Variants in PTPN13 observed in about 807,000 individuals in gnomAD.
PTPN13 encodes protein tyrosine phosphatase non-receptor type 13.
In PTPN13, 191 loss-of-function variants were observed where a neutral mutation model predicts 284.0. That is an observed-to-expected ratio of 0.67 (90% CI 0.60 to 0.76). The LOEUF (loss-of-function observed/expected upper bound fraction) is 0.76, where lower values mean the gene tolerates loss of function less well. Ranked by LOEUF, PTPN13 falls within the 30% of genes least tolerant of loss-of-function variation. PTPN13 has a pLI of 0.00. For missense variants in PTPN13, 2,797 were observed against 2,939.9 expected (o/e 0.95, Z 1.12); for synonymous variants, 986 against 1,022.3 (o/e 0.96, Z 0.68).
chr4:86,710,132 T>G (rs772863184), intron 7 of PTPN13, among the ~76,000 whole-genome samples: 12 of 152,176 alleles, frequency 7.9e-5, no homozygotes, highest in Non-Finnish European at 1.5e-4. Context: ...AATATATGAA[T>G]ACATAATATT....
intron 1 of PTPN13, among the ~76,000 whole-genome samples, chr4:86,596,135 C>T (rs1199504305): frequency 6.6e-6 from 1 of 152,018 alleles, no homozygotes; most frequent in African/African-American, 2.4e-5. Flanking sequence ...GTTCTAGAGG[C>T]TTTGTGGGAG....
intron 1 of PTPN13, among the ~76,000 whole-genome samples, chr4:86,622,451 CTGTGAATTTACTTCATTTGTTTCTAATGA>C (rs1165867168): frequency 2.0e-5 from 3 of 152,072 alleles, no homozygotes; most frequent in African/African-American, 4.8e-5. Context: ...TACCTATTTG[CTGTGAATTTACTTCATTTGTTTCTAATGA>C]TGGGACTCTA....
chr4:86,640,936 CAG>C (rs1218637794), intron 2 of PTPN13, among the ~76,000 whole-genome samples: 1 of 152,114 alleles, frequency 6.6e-6, no homozygotes, highest in Admixed American at 6.6e-5. Context: ...ATCAGTAATA[CAG>C]AGAGATTGAA....
chr4:86,661,029 C>G, intron 2 of PTPN13: 3 of 415,432 alleles, frequency 7.2e-6, no homozygotes, highest in Non-Finnish European at 1.4e-5. Flanking sequence ...ATATTGCAAA[C>G]AGCATTATTC....
At chr4:86,622,457 A>G (rs568008622) in intron 1 of PTPN13, among the ~76,000 whole-genome samples, 1 of 152,270 alleles carries the variant, frequency 6.6e-6, no homozygotes, top group Non-Finnish European at 1.5e-5. Context: ...TTTGCTGTGA[A>G]TTTACTTCAT....
At chr4:86,623,984 C>T (rs1721554112) in intron 1 of PTPN13, among the ~76,000 whole-genome samples, 2 of 152,090 alleles carry the variant, frequency 1.3e-5, no homozygotes, top group African/African-American at 4.8e-5. Flanking sequence ...CTCTTATCTC[C>T]TCAGTACTTA....
intron 3 of PTPN13, 49 bp downstream of exon 3, chr4:86,672,592 T>A (rs1462804620): frequency 7.0e-7 from 1 of 1,431,052 alleles, no homozygotes; most frequent in Non-Finnish European, 9.5e-7. Context: ...TGGGGATAGG[T>A]CAAATAAAGA....
At chr4:86,683,882 C>T (rs1729163282) in intron 3 of PTPN13, among the ~76,000 whole-genome samples, 1 of 152,022 alleles carries the variant, frequency 6.6e-6, no homozygotes, top group African/African-American at 2.4e-5. Flanking sequence ...GTCCTTTATG[C>T]TAAAACTATG....
chr4:86,632,128 GT>G (rs1722534837), intron 1 of PTPN13, among the ~76,000 whole-genome samples: 1 of 151,896 alleles, frequency 6.6e-6, no homozygotes, highest in African/African-American at 2.4e-5. Flanking sequence ...TTGCCCTTTG[GT>G]AATACTAATG....
Position 86,621,941 on chromosome 4 carries a change from G to T in PTPN13, c.-5-13311G>T, listed in dbSNP as rs546253534. Among the ~76,000 whole-genome samples, 5 of 151,822 alleles carry T rather than the reference G, an allele frequency of 3.3e-5. No individual in the cohort carries two copies. In the East Asian group the frequency reaches 7.8e-4, roughly 24 times the overall value. ...CCCAATAAGCAGTATCAAATGTGTC[G>T]AGTTCTGTCCTTAATACATTTTAAA... is the stretch of plus-strand genomic sequence containing the variant. On this transcript the variant is annotated intron_variant, in intron 1 of 47. Transcript: ENST00000411767.
intron 2 of PTPN13, among the ~76,000 whole-genome samples, chr4:86,665,698 C>G (rs996201577): frequency 1.3e-5 from 2 of 152,116 alleles, no homozygotes; most frequent in African/African-American, 4.8e-5. Context: ...ATTTGTATTT[C>G]TAATATTTTT....
chr4:86,630,905 A>G (rs1722397799), intron 1 of PTPN13, among the ~76,000 whole-genome samples: 1 of 152,136 alleles, frequency 6.6e-6, no homozygotes, highest in African/African-American at 2.4e-5. Context: ...ATCTGTTAGA[A>G]TCTCCTTGTG....
At chr4:86,599,283 A>G (rs1467571511) in intron 1 of PTPN13, among the ~76,000 whole-genome samples, 2 of 152,086 alleles carry the variant, frequency 1.3e-5, no homozygotes, top group South Asian at 2.1e-4. Context: ...ATATTTATGT[A>G]TTTTTTCTAT....
chr4:86,700,601 G>A (rs1445625223), intron 6 of PTPN13, among the ~76,000 whole-genome samples: 1 of 152,142 alleles, frequency 6.6e-6, no homozygotes, highest in Non-Finnish European at 1.5e-5. Flanking sequence ...TTTAGTGCAT[G>A]AGGGTCTGCC....
intron 2 of PTPN13, among the ~76,000 whole-genome samples, chr4:86,664,147 G>A (rs554075066): frequency 6.6e-6 from 1 of 152,276 alleles, no homozygotes; most frequent in South Asian, 2.1e-4. Context: ...AAAGTCCTCA[G>A]TGGATCAGGA....
intron 45 of PTPN13, among the ~76,000 whole-genome samples, 194 bp from the exon 46 acceptor site, chr4:86,809,575 G>A (rs1437091252): frequency 2.0e-5 from 3 of 152,134 alleles, no homozygotes; most frequent in African/African-American, 7.2e-5. Flanking sequence ...ATGTGCGCCT[G>A]TAATCCCAGC....
At chr4:86,644,688 A>G (rs1266206520) in intron 2 of PTPN13, among the ~76,000 whole-genome samples, 1 of 152,242 alleles carries the variant, frequency 6.6e-6, no homozygotes, top group African/African-American at 2.4e-5. Context: ...ATGAACATAG[A>G]TGCAGAAATT....
intron 27 of PTPN13, among the ~76,000 whole-genome samples, chr4:86,767,129 C>T (rs1739419372): frequency 6.6e-6 from 1 of 151,798 alleles, no homozygotes; most frequent in Admixed American, 6.6e-5. Flanking sequence ...GGGGGGTCTC[C>T]CTATGTTGCC....
chr4:86,742,078 T>C (rs1453939801), intron 16 of PTPN13, among the ~76,000 whole-genome samples: 1 of 152,234 alleles, frequency 6.6e-6, no homozygotes, highest in East Asian at 1.9e-4. Flanking sequence ...TACAACCAAG[T>C]TGAATTCTCT....
Sources: gnomAD v4.1 joint callset for allele counts (sites outside exome capture counted in the v4.1 genomes callset) on GRCh38, gnomAD v4.1.1 for gene constraint, MANE v1.5 for transcripts, NCBI Gene and HGNC (gene_info 2026-07-23, HGNC 2026-07-21) for gene names.